APPL2: variants seen among roughly 807,000 people sequenced by gnomAD.
APPL2 encodes the protein DCC-interacting protein 13-beta.
A neutral mutation model predicts 92.7 loss-of-function variants in APPL2; 84 were observed. The observed-to-expected ratio is 0.91, with a 90% CI of 0.76 to 1.09. The LOEUF (loss-of-function observed/expected upper bound fraction) is 1.09. APPL2 is among the 50% of genes least tolerant of loss of function. APPL2 has a pLI of 0.00. For synonymous variants in APPL2, 291 were observed against 291.0 expected, an observed-to-expected ratio of 1.00 and a Z score of 0.00; for missense variants, 736 against 824.5, an observed-to-expected ratio of 0.89 and a Z score of 1.31.
intron 1 of APPL2, among the ~76,000 whole-genome samples, chr12:105,231,951 C>A (rs1206541957): frequency 1.3e-5 from 2 of 152,136 alleles, no homozygotes; most frequent in Non-Finnish European, 2.9e-5. Flanking sequence ...AGGAATGAGA[C>A]CAAGAATAAA....
At position 105,224,921 on chromosome 12, in the gene APPL2, C is replaced by A. The variant is rs189166742; in HGVS notation, c.153+4204G>T. On this transcript the variant is annotated intron_variant, in intron 2 of 20. Coordinates refer to ENST00000258530, the MANE Select transcript of APPL2 (RefSeq NM_018171.5). ...AATTATGCATACTTTACTCCTATTC[C>A]CTCCCACTGTCTTTACCCCAATTTG... Among the ~76,000 whole-genome samples the A allele has an allele frequency of 5.9e-5, 9 of 152,152 alleles. No individual in the cohort carries two copies. In the East Asian group the frequency reaches 1.2e-3, roughly 20 times the overall value.
chr12:105,176,147 T>G, intron 19 of APPL2, 65 bp from the exon 20 acceptor site: 1 of 1,441,884 alleles, frequency 6.9e-7, no homozygotes, highest in Non-Finnish European at 9.6e-7. Context: ...AGAACAAATG[T>G]GATTTGGGAG....
chr12:105,226,371 G>A (rs1345481671), intron 2 of APPL2, among the ~76,000 whole-genome samples: 1 of 152,208 alleles, frequency 6.6e-6, no homozygotes, highest in Non-Finnish European at 1.5e-5. Context: ...TGCAGGAAAC[G>A]CTGAGGCAGG....
At chr12:105,209,345 C>A (rs1889022466) in intron 5 of APPL2, among the ~76,000 whole-genome samples, 1 of 152,124 alleles carries the variant, frequency 6.6e-6, no homozygotes, top group African/African-American at 2.4e-5. Flanking sequence ...GGATGTTTAA[C>A]CTTTTTCAAA....
chr12:105,215,638 G>C (rs1889621483), intron 4 of APPL2, among the ~76,000 whole-genome samples: 1 of 152,186 alleles, frequency 6.6e-6, no homozygotes, highest in Non-Finnish European at 1.5e-5. Context: ...TTTGTAAACT[G>C]AAGACAGTAT....
Position 105,199,473 on chromosome 12 carries a change from G to GT in APPL2, c.762dup (p.Leu255ThrfsTer4), listed in dbSNP as rs1406738059. On this transcript the variant is annotated frameshift_variant, in exon 10 of 21. Transcript: ENST00000258530. LOFTEE classifies it high-confidence loss of function. ...GTGTAAACAGATTCATCAACAGAAA[G>GT]TAATTCTTGCTGGGACACCCGCATC... 2 of 1,614,120 alleles carry GT rather than the reference G, an allele frequency of 1.2e-6. No homozygotes were observed. The highest frequency in any genetic ancestry group is 3.3e-5 in the Admixed American group (2 of 60,020).
intron 2 of APPL2, among the ~76,000 whole-genome samples, chr12:105,218,435 G>A (rs986856874): frequency 6.9e-6 from 1 of 145,982 alleles, no homozygotes; most frequent in African/African-American, 2.5e-5. Flanking sequence ...CAAGTGTGAT[G>A]AGAACTGCAA....
chr12:105,217,620 A>C, intron 3 of APPL2, 46 bp downstream of exon 3: 1 of 1,577,830 alleles, frequency 6.3e-7, no homozygotes. Context: ...CACTTAAGAA[A>C]GTCCTGAACA....
chr12:105,181,390 ATGT>A (rs1886098570), intron 17 of APPL2, among the ~76,000 whole-genome samples: 1 of 152,090 alleles, frequency 6.6e-6, no homozygotes, highest in African/African-American at 2.4e-5. Context: ...TTTTGCATTG[ATGT>A]TCATCAGGGG....
intron 8 of APPL2, among the ~76,000 whole-genome samples, chr12:105,205,239 T>G (rs1177092576): frequency 6.6e-6 from 1 of 152,238 alleles, no homozygotes; most frequent in Non-Finnish European, 1.5e-5. Context: ...GTCTGGCTAT[T>G]GAAGGAGCTA....
chr12:105,174,305 G>A lies in APPL2; in HGVS notation c.*9C>T, dbSNP rs1278934000. ...TCCTGTTTGCTCTTCCCCCACAGGC[G>A]CAAGTGAGTTATGCTTCGGATTCTG... On this transcript the variant is annotated 3_prime_UTR_variant, in exon 21 of 21. Coordinates refer to ENST00000258530, the MANE Select transcript of APPL2 (RefSeq NM_018171.5). 5 of 1,612,958 alleles carry A rather than the reference G, an allele frequency of 3.1e-6. No homozygotes were observed. Among genetic ancestry groups the A allele is most frequent in the Middle Eastern group, 1.7e-4 (1 of 6,054 alleles).
intron 7 of APPL2, among the ~76,000 whole-genome samples, chr12:105,207,576 G>C (rs1253591303): frequency 6.6e-6 from 1 of 152,206 alleles, no homozygotes; most frequent in Non-Finnish European, 1.5e-5. Flanking sequence ...TGTAACAGAA[G>C]TAAAAAGTTA....
intron 4 of APPL2, among the ~76,000 whole-genome samples, chr12:105,216,395 T>C (rs1165254632): frequency 6.6e-6 from 1 of 151,920 alleles, no homozygotes; most frequent in Non-Finnish European, 1.5e-5. Context: ...CCCTTTGTAG[T>C]GGGTTGAACT....
At chr12:105,203,901 A>G in intron 8 of APPL2, 116 bp from the exon 9 acceptor site, 1 of 821,608 alleles carries the variant, frequency 1.2e-6, no homozygotes. Context: ...CCCGCCTCGC[A>G]CGCGGCACTG....
chr12:105,233,036 C>T (rs1347720184), intron 1 of APPL2: 1 of 933,628 alleles, frequency 1.1e-6, no homozygotes, highest in Non-Finnish European at 1.3e-6. Context: ...AAAACACAAA[C>T]CGAGCAAGCA....
chr12:105,223,396 G>C (rs1200480330), intron 2 of APPL2, among the ~76,000 whole-genome samples: 1 of 152,180 alleles, frequency 6.6e-6, no homozygotes, highest in Non-Finnish European at 1.5e-5. Context: ...CGCCAGAGAA[G>C]GATTCCAAAG....
In APPL2 at chr12:105,214,830, C is replaced by T. The variant is rs539245431; in HGVS notation, c.285+2239G>A. On this transcript the variant is annotated intron_variant, in intron 4 of 20. Transcript: ENST00000258530. ...ATTATGAGCTTGGAGCTTTTAGCCC[C>T]GCCCCCATCTTCCAGGAACGGGAGA... Among the ~76,000 whole-genome samples, 20 of 152,270 alleles carry T rather than the reference C, an allele frequency of 1.3e-4. 2 individuals carry two copies. Among genetic ancestry groups the T allele is most frequent in the Admixed American group, 3.3e-4 (5 of 15,292 alleles).
intron 16 of APPL2, among the ~76,000 whole-genome samples, chr12:105,189,191 G>GTA (rs113045806): frequency 0.13 from 20,041 of 150,026 alleles, 1,518 homozygotes; most frequent in African/African-American, 0.22. Flanking sequence ...GCTAATTTTT[G>GTA]TATATATATA....
At chr12:105,233,447 T>C (rs1891061475) in intron 1 of APPL2, 1 of 972,858 alleles carries the variant, frequency 1.0e-6, no homozygotes, top group Non-Finnish European at 1.2e-6. Flanking sequence ...AGTCCATGAA[T>C]AGATGTGTCT....
Sources: allele counts gnomAD v4.1 joint callset (sites outside exome capture counted in the v4.1 genomes callset), GRCh38; gene constraint gnomAD v4.1.1; transcripts MANE v1.5; gene names NCBI Gene and HGNC (gene_info 2026-07-23, HGNC 2026-07-21).